NFAT5: variants seen among roughly 807,000 people sequenced by gnomAD.
NFAT5 encodes nuclear factor of activated T-cells 5.
Under a neutral mutation model 166.5 loss-of-function variants are expected in NFAT5, and 31 were observed. The observed-to-expected ratio is 0.19, with a 90% confidence interval of 0.14 to 0.25. NFAT5 has a LOEUF of 0.25. NFAT5 is among the 10% of genes least tolerant of loss of function. The probability of loss-of-function intolerance (pLI) is 1.00; values close to 1 mark genes in which losing one functional copy is unlikely to be tolerated. For missense variants in NFAT5, 1,449 were observed against 1,821.8 expected, an observed-to-expected ratio of 0.80 and a Z score of 3.72; for synonymous variants, 612 against 639.7, an observed-to-expected ratio of 0.96 and a Z score of 0.65.
intron 3 of NFAT5, among the ~76,000 whole-genome samples, chr16:69,637,427 A>G (rs897199899): frequency 1.4e-4 from 22 of 152,094 alleles, no homozygotes; most frequent in Admixed American, 1.3e-3. Flanking sequence ...GTGTTAGTCC[A>G]TTTTCATGCT....
At chr16:69,623,663 A>G (rs1002697648) in intron 2 of NFAT5, among the ~76,000 whole-genome samples, 1 of 151,866 alleles carries the variant, frequency 6.6e-6, no homozygotes, top group African/African-American at 2.4e-5. Context: ...ATGCACCACC[A>G]TGTCCGGCTA....
Position 69,578,573 on chromosome 16 carries a change from G to A in NFAT5, c.127+10025G>A, listed in dbSNP as rs151167951. ...AGTCATCTAAGTCAATAAAACTCGT[G>A]TTTAAGTGTGTCTTATGACAGTGAC... On this transcript the variant is annotated intron_variant, in intron 2 of 14. Coordinates refer to ENST00000349945, the MANE Select transcript of NFAT5 (RefSeq NM_138713.4). Among the ~76,000 whole-genome samples the A allele has an allele frequency of 1.6e-4, 24 of 152,272 alleles. No individual in the cohort carries two copies. The East Asian group carries it at 4.1e-3, about 26-fold the overall frequency.
intron 5 of NFAT5, among the ~76,000 whole-genome samples, chr16:69,654,871 T>G (rs2035816941): frequency 6.6e-6 from 1 of 152,250 alleles, no homozygotes; most frequent in African/African-American, 2.4e-5. Context: ...ATTTACTTTG[T>G]GATTTTCTGC....
At chr16:69,606,025 T>C (rs2033389625) in intron 2 of NFAT5, among the ~76,000 whole-genome samples, 1 of 152,216 alleles carries the variant, frequency 6.6e-6, no homozygotes, top group South Asian at 2.1e-4. Context: ...CTTTTTTCTT[T>C]TAATAGGAAT....
chr16:69,604,419 C>T (rs893180211), intron 2 of NFAT5, among the ~76,000 whole-genome samples: 2 of 152,062 alleles, frequency 1.3e-5, no homozygotes, highest in South Asian at 2.1e-4. Flanking sequence ...TAGGTAAACT[C>T]GGATTTGAGG....
At chr16:69,627,004 C>T (rs954150560) in intron 3 of NFAT5, among the ~76,000 whole-genome samples, 12 of 151,626 alleles carry the variant, frequency 7.9e-5, no homozygotes, top group Middle Eastern at 3.4e-3. Flanking sequence ...TATGTGACTT[C>T]GTAGTTTTCA....
At chr16:69,578,399 A>G (rs1281008486) in intron 2 of NFAT5, among the ~76,000 whole-genome samples, 1 of 152,232 alleles carries the variant, frequency 6.6e-6, no homozygotes, top group Non-Finnish European at 1.5e-5. Context: ...ATGTGCCCAT[A>G]GTCATATATA....
intron 2 of NFAT5, among the ~76,000 whole-genome samples, chr16:69,607,137 A>G (rs1597390363): frequency 6.6e-6 from 1 of 152,338 alleles, no homozygotes; most frequent in African/African-American, 2.4e-5. Flanking sequence ...TTACCACTGT[A>G]TTATAAATGA....
At chr16:69,568,662 C>G in intron 2 of NFAT5, 114 bp downstream of exon 2, 1 of 730,682 alleles carries the variant, frequency 1.4e-6, no homozygotes, top group East Asian at 3.0e-5. Context: ...GTAGTTTTCT[C>G]CTAAAGAGTC....
At chr16:69,574,444 TAAAC>T (rs955401334) in intron 2 of NFAT5, among the ~76,000 whole-genome samples, 1 of 152,112 alleles carries the variant, frequency 6.6e-6, no homozygotes, top group Non-Finnish European at 1.5e-5. Flanking sequence ...CAAGTTTAAA[TAAAC>T]TAACAGAGTA....
At chr16:69,663,131 G>A (rs181977639) in intron 7 of NFAT5, among the ~76,000 whole-genome samples, 53 of 152,160 alleles carry the variant, frequency 3.5e-4, no homozygotes, top group Non-Finnish European at 7.4e-4. Flanking sequence ...AAAGGAAAGG[G>A]GCCAAAAGGT....
chr16:69,638,731 G>T (rs1292079450), intron 3 of NFAT5, among the ~76,000 whole-genome samples: 2 of 125,690 alleles, frequency 1.6e-5, no homozygotes, highest in African/African-American at 6.2e-5. Context: ...GAGAGACTCG[G>T]TCTCAAAAAA....
intron 2 of NFAT5, 76 bp from the exon 3 acceptor site, chr16:69,626,327 C>G: frequency 7.6e-7 from 1 of 1,316,576 alleles, no homozygotes; most frequent in Non-Finnish European, 1.0e-6. Flanking sequence ...AAAAGACATA[C>G]TCATTTTGTG....
At chr16:69,586,405 T>G (rs527508344) in intron 2 of NFAT5, among the ~76,000 whole-genome samples, 1 of 149,222 alleles carries the variant, frequency 6.7e-6, no homozygotes, top group Non-Finnish European at 1.5e-5. Context: ...TAGATTGGAA[T>G]TTTTTTTTTT....
intron 3 of NFAT5, among the ~76,000 whole-genome samples, chr16:69,638,886 G>A (rs1163450561): frequency 1.4e-5 from 2 of 146,380 alleles, no homozygotes; most frequent in Non-Finnish European, 3.0e-5. Context: ...TAATTTTGAA[G>A]TTTAGTGATA....
chr16:69,566,527 G>C lies in NFAT5; in HGVS notation c.73+153G>C, dbSNP rs1055561893. ...GGCCGGAGCGGGCAGAGGCCGAAGG[G>C]ATCGGGGTGACGGTGGAGGGGGCGG... is the stretch of plus-strand genomic sequence containing the variant. On this transcript the variant is annotated intron_variant, in intron 1 of 14. Coordinates refer to ENST00000349945, the MANE Select transcript of NFAT5 (RefSeq NM_138713.4). This position sits in a 1 kb window ranked among gnomAD's most constrained non-coding sequence, Gnocchi z 5.7. Among the ~76,000 whole-genome samples, 1 of 152,152 alleles carries C rather than the reference G, an allele frequency of 6.6e-6. No individual in the cohort carries two copies. The highest frequency in any genetic ancestry group is 1.5e-5 in the Non-Finnish European group (1 of 68,004).
chr16:69,583,710 G>C (rs2142938630), intron 2 of NFAT5, among the ~76,000 whole-genome samples: 1 of 152,222 alleles, frequency 6.6e-6, no homozygotes, highest in East Asian at 1.9e-4. Flanking sequence ...ACTATACCTT[G>C]CATTTTTGTA....
At chr16:69,664,617 G>A (rs1247130871) in intron 7 of NFAT5, among the ~76,000 whole-genome samples, 2 of 152,250 alleles carry the variant, frequency 1.3e-5, no homozygotes, top group African/African-American at 2.4e-5. Context: ...TAGTTGAAAA[G>A]CATCTAAAAG....
At chr16:69,599,291 A>C (rs769306978) in intron 2 of NFAT5, among the ~76,000 whole-genome samples, 4 of 152,036 alleles carry the variant, frequency 2.6e-5, no homozygotes, top group Non-Finnish European at 5.9e-5. Flanking sequence ...AAATGTTGGG[A>C]GTTGGCCAGG....
Sources: gnomAD v4.1 joint callset for allele counts (sites outside exome capture counted in the v4.1 genomes callset) on GRCh38, gnomAD v4.1.1 for gene constraint, Gnocchi (gnomAD v3.1) non-coding constraint, MANE v1.5 for transcripts, NCBI Gene and HGNC (gene_info 2026-07-23, HGNC 2026-07-21) for gene names.